The following ZNF300 variants were observed in gnomAD, a reference collection of about 807,000 sequenced individuals.
ZNF300 encodes kruppel-like zinc finger protein.
A neutral mutation model predicts 13.9 loss-of-function variants in ZNF300; 6 were observed. That is an observed-to-expected ratio of 0.43 (90% CI 0.24 to 0.85). The LOEUF is 0.85. Ranked by LOEUF, ZNF300 falls within the 40% of genes least tolerant of loss-of-function variation. The pLI is 0.25. For missense variants in ZNF300, 662 were observed against 714.2 expected (o/e 0.93, Z 0.83); for synonymous variants, 237 against 242.2 (o/e 0.98, Z 0.20).
Position 150,896,878 on chromosome 5 carries a change from A to G in ZNF300, c.361T>C (p.Leu121=). Residue 121 remains leucine, a synonymous_variant, in exon 6 of 6, where the codon TTG becomes CTG. Transcript: ENST00000274599. ...ILKGVTRDGS[L]CSILKVCQGD... is the part of the protein sequence containing the mutation. ...TGACAGACTTTTAAAATGGAGCACA[A>G]TGAACCATCCCTTGTGACTCCTTTC... The G allele has an allele frequency of 1.2e-6, 2 of 1,613,690 alleles. No individual in the cohort carries two copies. Among genetic ancestry groups the G allele is most frequent in the Non-Finnish European group, 8.5e-7 (1 of 1,179,742 alleles).
chr5:150,903,763 T>C (rs1483295026), intron 2 of ZNF300, 101 bp downstream of exon 2: 1 of 197,414 alleles, frequency 5.1e-6, no homozygotes, highest in Non-Finnish European at 1.0e-5. Context: ...TAAATTTTTA[T>C]TGCTCTTTTT....
In ZNF300 at chr5:150,895,928, G is replaced by A. The variant is rs1170916497; in HGVS notation, c.1311C>T (p.Tyr437=). 5 of 1,613,340 alleles carry A rather than the reference G, an allele frequency of 3.1e-6. 1 individual carries two copies. In the African/African-American group the frequency reaches 6.7e-5, roughly 22 times the overall value. The change falls in exon 6 of 6, where the codon TAC becomes TAT. Residue 437 remains tyrosine, a synonymous_variant. Coordinates refer to ENST00000274599, the MANE Select transcript of ZNF300 (RefSeq NM_052860.4). The part of the protein sequence containing the change: ...HKRIHTGEKP[Y]KCAQCEEAFS... ...AGGCTTCCTCACATTGAGCACATTT[G>A]TAGGGTTTCTCACCAGTGTGAATTC... is the stretch of plus-strand genomic sequence containing the variant.
rs1755091308 is a variant in ZNF300, at chr5:150,904,848, A to G, written c.-286T>C. The G allele has an allele frequency of 6.5e-6, 1 of 152,722 alleles. No homozygotes were observed. 9.5% of individuals were successfully genotyped at this position (152,722 alleles called of 1,614,324 possible). On this transcript the variant is annotated 5_prime_UTR_variant, in exon 1 of 6. Coordinates refer to ENST00000274599, the MANE Select transcript of ZNF300 (RefSeq NM_052860.4). Reference sequence around the variant, plus strand: ...CCGCGAGCACCACACCGGGCTCCCGAGGCTGCGCCGTTCCGTACTGGGCGG... The same window carrying G: ...CCGCGAGCACCACACCGGGCTCCCGGGGCTGCGCCGTTCCGTACTGGGCGG...
At chr5:150,897,885 C>T (rs887135107) in intron 5 of ZNF300, 177 bp downstream of exon 5, 8 of 663,256 alleles carry the variant, frequency 1.2e-5, no homozygotes, top group Admixed American at 3.4e-5. Context: ...TATATATATA[C>T]ACACAAGAGA....
intron 3 of ZNF300, among the ~76,000 whole-genome samples, chr5:150,902,272 A>T (rs868283963): frequency 2.0e-5 from 3 of 152,212 alleles, no homozygotes; most frequent in Admixed American, 1.3e-4. Context: ...AAAGCACAGC[A>T]AAAGATATGG....
chr5:150,896,763 G>A lies in ZNF300; in HGVS notation c.476C>T (p.Ala159Val), dbSNP rs1266829943. 1.9e-6 allele frequency: 3 copies of A among 1,613,578 alleles called. No homozygotes were observed. The highest frequency in any genetic ancestry group is 2.7e-5 in the African/African-American group (2 of 74,874). Residue 159 changes from alanine to valine, a missense_variant, in exon 6 of 6, where the codon GCA becomes GTA. Physicochemically the swap from Ala to Val is moderately conservative, Grantham distance 64. Coordinates refer to ENST00000274599, the MANE Select transcript of ZNF300 (RefSeq NM_052860.4). Reference sequence around the variant, plus strand: ...CAGTGGATTATATTTATGCCCTGATGCCTCAGTCACTGTTTTGCTGTTAAC... The same window carrying A: ...CAGTGGATTATATTTATGCCCTGATACCTCAGTCACTGTTTTGCTGTTAAC... ...TFVNSKTVTE[A>V]SGHKYNPLGK...
chr5:150,899,412 T>C (rs1402576859), intron 3 of ZNF300, among the ~76,000 whole-genome samples: 3 of 150,618 alleles, frequency 2.0e-5, no homozygotes, highest in Non-Finnish European at 3.0e-5. Flanking sequence ...TGTAAGTACA[T>C]TTTTTTTTAA....
chr5:150,901,116 A>G (rs768005337), intron 3 of ZNF300, among the ~76,000 whole-genome samples: 2 of 152,010 alleles, frequency 1.3e-5, no homozygotes, highest in African/African-American at 2.4e-5. Context: ...GATGGTAGGG[A>G]ACTAATATAC....
At position 150,903,320 on chromosome 5, in the gene ZNF300, G is replaced by A. The variant is rs1354875493; in HGVS notation, c.-27-138C>T. Reference sequence around the variant, plus strand: ...GCTACCCTGTGGGATAAGGTTGTTTGAGCCTTACAGAAGTCTCAGCAGGCA... The same window carrying A: ...GCTACCCTGTGGGATAAGGTTGTTTAAGCCTTACAGAAGTCTCAGCAGGCA... On this transcript the variant is annotated intron_variant, in intron 2 of 5. Transcript: ENST00000274599. 22 of 1,566,232 alleles carry A rather than the reference G, an allele frequency of 1.4e-5. No individual in the cohort carries two copies. In the East Asian group the frequency reaches 4.8e-4, roughly 34 times the overall value.
At position 150,896,886 on chromosome 5, in the gene ZNF300, T is replaced by C; in HGVS notation, c.353A>G (p.Asp118Gly). The C allele has an allele frequency of 2.5e-6, 4 of 1,613,572 alleles. No homozygotes were observed. Among genetic ancestry groups the C allele is most frequent in the Non-Finnish European group, 3.4e-6 (4 of 1,179,716 alleles). Reference protein sequence around the residue: ...HHKILKGVTRDGSLCSILKVC... With the variant: ...HHKILKGVTRGGSLCSILKVC... ...TTTTAAAATGGAGCACAATGAACCATCCCTTGTGACTCCTTTCAGTATCTT... is the reference window on the plus strand; with the variant it reads ...TTTTAAAATGGAGCACAATGAACCACCCCTTGTGACTCCTTTCAGTATCTT... Residue 118 changes from aspartate (D) to glycine (G), a missense_variant, in exon 6 of 6, where the codon GAT becomes GGT. Coordinates refer to ENST00000274599, the MANE Select transcript of ZNF300 (RefSeq NM_052860.4).
chr5:150,894,851 T>A lies in ZNF300; in HGVS notation c.*573A>T, dbSNP rs998170405. 1 of 152,232 alleles carries A rather than the reference T, an allele frequency of 6.6e-6. No homozygotes were observed. The highest frequency in any genetic ancestry group is 2.4e-5 in the African/African-American group (1 of 41,424). 9.4% of individuals were successfully genotyped at this position (152,232 alleles called of 1,614,324 possible). A position where few individuals can be genotyped will look rare whatever the true frequency, so the allele number is the denominator to read the frequency against. On this transcript the variant is annotated 3_prime_UTR_variant, in exon 6 of 6. Coordinates refer to ENST00000274599, the MANE Select transcript of ZNF300 (RefSeq NM_052860.4). ...GGGAGACCTGCTCAAAATGCATCAA[T>A]CTCAAGGTCCTTCCAGAGATGCAGG...
In ZNF300 at chr5:150,894,574, G is replaced by A. The variant is rs1197583789; in HGVS notation, c.*850C>T. ...TCCAGAGGGAAAAGCAAGCTCAGAC[G>A]TGGTTTTTACACATTAGTCTTAACA... On this transcript the variant is annotated 3_prime_UTR_variant, in exon 6 of 6. Coordinates refer to ENST00000274599, the MANE Select transcript of ZNF300 (RefSeq NM_052860.4). 3 of 152,256 alleles carry A rather than the reference G, an allele frequency of 2.0e-5. No individual in the cohort carries two copies. Among genetic ancestry groups the A allele is most frequent in the Non-Finnish European group, 2.9e-5 (2 of 68,026 alleles). 9.4% of individuals were successfully genotyped at this position (152,256 alleles called of 1,614,324 possible).
In ZNF300 at chr5:150,896,611, T is replaced by C. The variant is rs1429162159; in HGVS notation, c.628A>G (p.Lys210Glu). The C allele has an allele frequency of 1.2e-6, 2 of 1,613,700 alleles. No homozygotes were observed. The highest frequency in any genetic ancestry group is 2.2e-5 in the East Asian group (1 of 44,854). Residue 210 changes from lysine (K) to glutamate (E), a missense_variant, in exon 6 of 6, where the codon AAA (lysine) becomes GAA (glutamate). Coordinates refer to ENST00000274599, the MANE Select transcript of ZNF300 (RefSeq NM_052860.4). ...CCTCCAAAACTCTGATCAGGTTTTT[T>C]TCTTGAATTGCTCTTATAACAACTC... is the stretch of plus-strand genomic sequence containing the variant. Reference protein sequence around the residue: ...LPSCYKSNSRKKPDQSFGGGK... With the variant: ...LPSCYKSNSREKPDQSFGGGK...
chr5:150,897,779 G>A, intron 5 of ZNF300: 3 of 390,794 alleles, frequency 7.7e-6, no homozygotes, highest in South Asian at 1.9e-4. Flanking sequence ...CATTTATCTG[G>A]GAATATTGCC....
chr5:150,897,016 C>G (rs748950272), intron 5 of ZNF300, 43 bp from the exon 6 acceptor site: 1 of 1,469,928 alleles, frequency 6.8e-7, no homozygotes, highest in East Asian at 2.3e-5. Context: ...TCACAAGAGT[C>G]AATTAAGAGG....
At chr5:150,898,315 G>C in intron 4 of ZNF300, 113 bp downstream of exon 4, 1 of 1,591,246 alleles carries the variant, frequency 6.3e-7, no homozygotes, top group Non-Finnish European at 8.6e-7. Flanking sequence ...ATTTGCAAAG[G>C]TATGAAGGTC....
In ZNF300 at chr5:150,903,457, T is replaced by A. The variant is rs1755052986; in HGVS notation, c.-27-275A>T. ...ATGTGAAGATATGTTTCCAGTTGAT[T>A]TACTAACAACTTACTGTTCCCCTTG... On this transcript the variant is annotated intron_variant, in intron 2 of 5. Transcript: ENST00000274599. 4 of 1,177,044 alleles carry A rather than the reference T, an allele frequency of 3.4e-6. No individual in the cohort carries two copies. In the South Asian group the frequency reaches 5.2e-5, roughly 15 times the overall value. The allele number at this position is 1,177,044 out of a possible 1,614,324, so 72.9% of individuals were successfully genotyped here.
chr5:150,896,180 A>T lies in ZNF300; in HGVS notation c.1059T>A (p.Tyr353Ter). The T allele has an allele frequency of 6.2e-7, 1 of 1,613,520 alleles. No individual in the cohort carries two copies. Among genetic ancestry groups the T allele is most frequent in the African/African-American group, 1.3e-5 (1 of 74,990 alleles). The change falls in exon 6 of 6, where the codon TAT (tyrosine) becomes TAA (stop). Residue 353 changes from tyrosine to a stop codon, truncating the protein, a stop_gained. Coordinates refer to ENST00000274599, the MANE Select transcript of ZNF300 (RefSeq NM_052860.4). LOFTEE classifies it low-confidence loss of function (END_TRUNC). Reference sequence around the variant, plus strand: ...AGGCTTTCCCGCATTCACTACATTCATAGGGTTTTTCCCCAGTGTGAACTC... The same window carrying T: ...AGGCTTTCCCGCATTCACTACATTCTTAGGGTTTTTCCCCAGTGTGAACTC... The part of the protein sequence containing the change: ...HQRVHTGEKP[Y>*]ECSECGKAFS...
chr5:150,896,316 T>C lies in ZNF300; in HGVS notation c.923A>G (p.Glu308Gly). 1 of 1,613,658 alleles carries C rather than the reference T, an allele frequency of 6.2e-7. No individual in the cohort carries two copies. The highest frequency in any genetic ancestry group is 8.5e-7 in the Non-Finnish European group (1 of 1,179,804). Reference protein sequence around the residue: ...DCGACGKAFSEKFHLVVHQRT... With the variant: ...DCGACGKAFSGKFHLVVHQRT... ...CTGATGTACAACAAGATGAAACTTCTCACTGAAGGCTTTTCCGCATGCACC... is the reference window on the plus strand; with the variant it reads ...CTGATGTACAACAAGATGAAACTTCCCACTGAAGGCTTTTCCGCATGCACC... The change falls in exon 6 of 6, where the codon GAG (glutamate) becomes GGG (glycine). Residue 308 changes from glutamate (E) to glycine (G), a missense_variant. Coordinates refer to ENST00000274599, the MANE Select transcript of ZNF300 (RefSeq NM_052860.4).
Sources: gnomAD v4.1 joint callset for allele counts (sites outside exome capture counted in the v4.1 genomes callset) on GRCh38, gnomAD v4.1.1 for gene constraint, MANE v1.5 for transcripts, NCBI Gene and HGNC (gene_info 2026-07-23, HGNC 2026-07-21) for gene names.